NEDD9: variants seen among roughly 807,000 people sequenced by gnomAD.
The protein encoded by NEDD9 is enhancer of filamentation 1.
NEDD9 carries 26 observed loss-of-function variants against 76.6 expected under a neutral mutation model. The ratio of observed to expected loss-of-function variants is 0.34; its 90% CI spans 0.25 to 0.47. NEDD9 has a LOEUF of 0.47. NEDD9 is among the 20% of genes least tolerant of loss of function. The pLI is 1.00. For missense variants in NEDD9, 937 were observed against 1,058.5 expected, an observed-to-expected ratio of 0.89 and a Z score of 1.59; for synonymous variants, 392 against 414.2, an observed-to-expected ratio of 0.95 and a Z score of 0.65.
intron 1 of NEDD9, among the ~76,000 whole-genome samples, chr6:11,353,068 T>G (rs1228516766): frequency 6.6e-6 from 1 of 152,254 alleles, no homozygotes; most frequent in Non-Finnish European, 1.5e-5. Context: ...TCTCCAGATG[T>G]TCCTGTCGGG....
intron 3 of NEDD9, among the ~76,000 whole-genome samples, chr6:11,288,901 C>T (rs1760706145): frequency 6.6e-6 from 1 of 152,226 alleles, no homozygotes; most frequent in Non-Finnish European, 1.5e-5. Context: ...TCTTGGTTTA[C>T]TTCCATAATT....
At chr6:11,358,353 G>A (rs1004189992) in intron 1 of NEDD9, among the ~76,000 whole-genome samples, 2 of 149,486 alleles carry the variant, frequency 1.3e-5, no homozygotes, top group African/African-American at 2.5e-5. Flanking sequence ...CTGCAGAAAC[G>A]CCTGCCAGTG....
chr6:11,353,402 C>T (rs547049260), intron 1 of NEDD9, among the ~76,000 whole-genome samples: 2 of 152,176 alleles, frequency 1.3e-5, no homozygotes, highest in African/African-American at 4.8e-5. Flanking sequence ...AGGGAGAAGG[C>T]GGCCCTGTGA....
chr6:11,284,391 TAAAAAAAAAA>T (rs1168452567), intron 3 of NEDD9, among the ~76,000 whole-genome samples: 4 of 70,206 alleles, frequency 5.7e-5, no homozygotes, highest in Admixed American at 1.7e-4. Flanking sequence ...CCGTCTCTAC[TAAAAAAAAAA>T]AAAAAAAAAA....
In NEDD9 at chr6:11,190,398, G is replaced by A. The variant is rs1215432961; in HGVS notation, c.1471C>T (p.Arg491Ter). The change falls in exon 5 of 7, where the codon CGA (arginine) becomes TGA (stop). Residue 491 changes from arginine (R) to a stop codon, truncating the protein, a stop_gained. Transcript: ENST00000379446. LOFTEE classifies it high-confidence loss of function. This position sits in a 1 kb window ranked among gnomAD's most constrained non-coding sequence, Gnocchi z 5.8. ...AGGATCTGGTGGGAGTCTTCAACTC[G>A]TTGCAGCTCCCGCTTCATCTTGTTG... ...LHNKMKRELQRVEDSHQILSQ... is the reference protein window; with the variant it reads ...LHNKMKRELQ The A allele has an allele frequency of 2.5e-6, 4 of 1,614,196 alleles. No individual in the cohort carries two copies. Among genetic ancestry groups the A allele is most frequent in the East Asian group, 2.2e-5 (1 of 44,886 alleles).
At chr6:11,327,033 A>G (rs906494846) in intron 2 of NEDD9, among the ~76,000 whole-genome samples, 7 of 152,188 alleles carry the variant, frequency 4.6e-5, no homozygotes, top group Admixed American at 3.9e-4. Context: ...TTATTAATCA[A>G]ACTGGATTTC....
chr6:11,252,199 G>A lies in NEDD9; in HGVS notation c.13-38472C>T, dbSNP rs1171327560. Among the ~76,000 whole-genome samples the A allele has an allele frequency of 1.3e-5, 2 of 152,152 alleles. No individual in the cohort carries two copies. The highest frequency in any genetic ancestry group is 2.9e-5 in the Non-Finnish European group (2 of 68,022). ...CCTGGGGCTCTTAGCTATGCCAGCA[G>A]AGCCCTCTGGAGAGCTGACTGGTAT... On this transcript the variant is annotated intron_variant, in intron 3 of 3. Coordinates refer to the NEDD9 transcript ENST00000397378. This position sits in a 1 kb window ranked among gnomAD's most constrained non-coding sequence, Gnocchi z 4.3.
chr6:11,325,188 C>A (rs1333726925), intron 2 of NEDD9, among the ~76,000 whole-genome samples: 1 of 151,982 alleles, frequency 6.6e-6, no homozygotes, highest in Non-Finnish European at 1.5e-5. Context: ...AACCCTGTCT[C>A]TACTAAAAAT....
chr6:11,374,174 T>C (rs963247314), intron 1 of NEDD9, among the ~76,000 whole-genome samples: 4 of 152,108 alleles, frequency 2.6e-5, no homozygotes, highest in African/African-American at 9.7e-5. Flanking sequence ...AATCAATCAA[T>C]ATATGTCATT....
At chr6:11,357,878 G>A (rs181934935) in intron 1 of NEDD9, among the ~76,000 whole-genome samples, 1 of 152,278 alleles carries the variant, frequency 6.6e-6, no homozygotes, top group East Asian at 1.9e-4. Context: ...CTGCGGTGAT[G>A]AGTGAAAGCA....
At chr6:11,297,761 G>A (rs1760932421) in intron 3 of NEDD9, among the ~76,000 whole-genome samples, 1 of 152,108 alleles carries the variant, frequency 6.6e-6, no homozygotes, top group Non-Finnish European at 1.5e-5. Flanking sequence ...ACCCTTTGAG[G>A]TCGGTACTAT....
intron 3 of NEDD9, chr6:11,305,143 A>G (rs193008223): frequency 2.6e-4 from 333 of 1,289,026 alleles, no homozygotes; most frequent in Non-Finnish European, 3.3e-4. Flanking sequence ...ATTTGTGTGC[A>G]GTTGATGGTT....
intron 1 of NEDD9, among the ~76,000 whole-genome samples, chr6:11,375,274 A>G (rs920789364): frequency 2.0e-5 from 3 of 152,230 alleles, no homozygotes; most frequent in Admixed American, 2.0e-4. Flanking sequence ...ACCCTAGAGC[A>G]AGTCTTGGAA....
rs577667565 is a variant in NEDD9 at position 11,272,547 on chromosome 6, G to A, written c.12+33445C>T. Among the ~76,000 whole-genome samples the A allele has an allele frequency of 8.5e-5, 13 of 152,286 alleles. No homozygotes were observed. The East Asian group carries it at 1.3e-3, about 16-fold the overall frequency. On this transcript the variant is annotated intron_variant, in intron 3 of 3. Coordinates refer to the NEDD9 transcript ENST00000397378. ...GAAGGGGCAAAAGAAGAAGGAGAAC[G>A]CTATCATCTGATGAATTTATTTCAA...
intron 2 of NEDD9, among the ~76,000 whole-genome samples, chr6:11,318,698 A>C (rs190576566): frequency 9.4e-4 from 143 of 151,978 alleles, no homozygotes; most frequent in Non-Finnish European, 1.6e-3. Flanking sequence ...AAAAAAAAAC[A>C]ACAGAAAACA....
intron 2 of NEDD9, among the ~76,000 whole-genome samples, chr6:11,310,192 T>C (rs571204953): frequency 6.6e-6 from 1 of 152,176 alleles, no homozygotes; most frequent in Non-Finnish European, 1.5e-5. Flanking sequence ...AGCTCATTAG[T>C]ATGGCACATC....
At chr6:11,212,892 T>C (rs372378680) in intron 2 of NEDD9, among the ~76,000 whole-genome samples, 1 of 152,230 alleles carries the variant, frequency 6.6e-6, no homozygotes, top group Admixed American at 6.5e-5. Context: ...CCTTGTTGCA[T>C]CATCAGGCTT....
rs145595714 is a variant in NEDD9 at position 11,242,060 on chromosome 6, A to G, written c.13-28333T>C. Among the ~76,000 whole-genome samples, 36 of 152,350 alleles carry G rather than the reference A, an allele frequency of 2.4e-4. No homozygotes were observed. In the East Asian group the frequency reaches 4.2e-3, roughly 18 times the overall value. Reference sequence around the variant, plus strand: ...AGCAATCTTTTATTTTGTCTGCTAGAGGAATGCCTTGCCAGTGTGGGCCGA... The same window carrying G: ...AGCAATCTTTTATTTTGTCTGCTAGGGGAATGCCTTGCCAGTGTGGGCCGA... On this transcript the variant is annotated intron_variant, in intron 3 of 3. Transcript: ENST00000397378.
At chr6:11,257,212 G>C (rs1414904581) in intron 3 of NEDD9, among the ~76,000 whole-genome samples, 2 of 152,228 alleles carry the variant, frequency 1.3e-5, no homozygotes, top group Non-Finnish European at 2.9e-5. Context: ...TGCTGTTGGA[G>C]AGTATCCTGT....
Sources: allele counts gnomAD v4.1 joint callset (sites outside exome capture counted in the v4.1 genomes callset), GRCh38; gene constraint gnomAD v4.1.1; non-coding constraint Gnocchi (gnomAD v3.1); transcripts MANE v1.5; gene names NCBI Gene and HGNC (gene_info 2026-07-23, HGNC 2026-07-21).